Variants in FAAH2 observed in about 807,000 individuals in gnomAD.
FAAH2 encodes fatty acid amide hydrolase 2.
In FAAH2, 60 loss-of-function variants were observed where a neutral mutation model predicts 36.9. The ratio of observed to expected loss-of-function variants is 1.63; its 90% confidence interval spans 1.32 to 2.02. The LOEUF is 2.02. Among genes scored for constraint, FAAH2 ranks in the 30% most tolerant of loss-of-function variants. FAAH2 has a pLI of 0.00. For synonymous variants in FAAH2, 214 were observed against 143.8 expected (o/e 1.49, Z -3.49); for missense variants, 689 against 397.5 (o/e 1.73, Z -6.23).
At position 57,336,048 on chromosome X, in the gene FAAH2, C is replaced by T. The variant is rs1049141419; in HGVS notation, c.622+4241C>T. On this transcript the variant is annotated intron_variant, in intron 4 of 10. Transcript: ENST00000374900. Reference sequence around the variant, plus strand: ...CAGAAGAATTTTTCTTAGTGTCAGGCCTCCGAGCCCAAGCTAAGCCATCAT... The same window carrying T: ...CAGAAGAATTTTTCTTAGTGTCAGGTCTCCGAGCCCAAGCTAAGCCATCAT... 2.8e-4 allele frequency among the ~76,000 whole-genome samples: 31 copies of T among 111,495 alleles called. 1 individual carries two copies. The highest frequency in any genetic ancestry group is 2.9e-4 in the Admixed American group (3 of 10,501).
At chrX:57,185,470 C>A in the FAAH2 span, among the ~76,000 whole-genome samples, 11 of 99,107 alleles carry the variant, frequency 1.1e-4, no homozygotes, top group Non-Finnish European at 4.0e-5. Flanking sequence ...ACATTTTTTT[C>A]TCTGTCTCTC....
At chrX:57,263,090 G>A in the FAAH2 span, among the ~76,000 whole-genome samples, 1 of 111,232 alleles carries the variant, frequency 9.0e-6, no homozygotes, top group Non-Finnish European at 1.9e-5. Context: ...TTACAATGCT[G>A]GAAGTTCCAG....
chrX:57,262,159 A>G, the FAAH2 span, among the ~76,000 whole-genome samples: 1 of 111,313 alleles, frequency 9.0e-6, no homozygotes, highest in African/African-American at 3.3e-5. Flanking sequence ...AAGACTCCTA[A>G]AGGTGAAGAG....
intron 7 of FAAH2, among the ~76,000 whole-genome samples, chrX:57,420,781 G>A (rs895727444): frequency 4.6e-5 from 5 of 109,019 alleles, no homozygotes; most frequent in Non-Finnish European, 9.5e-5. Context: ...GTGAGAGAGA[G>A]CATCCCTGTC....
At chrX:57,394,657 C>T in intron 7 of FAAH2, 1 of 951,376 alleles carries the variant, frequency 1.1e-6, no homozygotes, top group South Asian at 1.9e-5. Context: ...TATGCCACAT[C>T]ACCCACAACT....
intron 10 of FAAH2, among the ~76,000 whole-genome samples, chrX:57,454,444 C>T (rs1342750241): frequency 5.4e-5 from 6 of 111,770 alleles, no homozygotes; most frequent in African/African-American, 2.0e-4. Flanking sequence ...CATTAGCCTC[C>T]CAGAAATGGT....
At chrX:57,264,353 C>T in the FAAH2 span, among the ~76,000 whole-genome samples, 36 of 112,208 alleles carry the variant, frequency 3.2e-4, no homozygotes, top group African/African-American at 1.2e-3. Context: ...TAAACAATCC[C>T]ATTAAAAAGT....
intron 3 of FAAH2, among the ~76,000 whole-genome samples, chrX:57,329,922 C>T (rs953289862): frequency 4.5e-5 from 5 of 112,088 alleles, no homozygotes; most frequent in South Asian, 7.5e-4. Flanking sequence ...CTTATCACTT[C>T]CCCAATCAAT....
At chrX:57,353,191 C>A (rs190578252) in intron 5 of FAAH2, among the ~76,000 whole-genome samples, 4 of 109,545 alleles carry the variant, frequency 3.7e-5, no homozygotes, top group Admixed American at 2.0e-4. Flanking sequence ...TACCTCACTT[C>A]GGTAATATTA....
At chrX:57,414,908 T>C (rs957941962) in intron 7 of FAAH2, among the ~76,000 whole-genome samples, 2 of 103,809 alleles carry the variant, frequency 1.9e-5, no homozygotes, top group African/African-American at 7.1e-5. Flanking sequence ...ATTTCAGCAA[T>C]TGTTATTGGT....
the FAAH2 span, among the ~76,000 whole-genome samples, chrX:57,138,158 TAAC>T: frequency 8.9e-6 from 1 of 112,228 alleles, no homozygotes; most frequent in Non-Finnish European, 1.9e-5. Flanking sequence ...TTACAATACT[TAAC>T]AAACCTTATC....
chrX:57,223,227 T>C, the FAAH2 span, among the ~76,000 whole-genome samples: 1 of 111,518 alleles, frequency 9.0e-6, no homozygotes, highest in African/African-American at 3.3e-5. Context: ...CGGATGATCC[T>C]ATATCAGCTG....
the FAAH2 span, among the ~76,000 whole-genome samples, chrX:57,240,547 A>G: frequency 3.6e-5 from 4 of 111,601 alleles, no homozygotes; most frequent in African/African-American, 1.3e-4. Context: ...GTATCCAAGC[A>G]GTGGCATGGC....
intron 7 of FAAH2, among the ~76,000 whole-genome samples, chrX:57,382,043 A>G (rs775542619): frequency 1.8e-5 from 2 of 111,992 alleles, no homozygotes; most frequent in East Asian, 2.8e-4. Context: ...GCTTAACTAC[A>G]TGGAAACTGA....
chrX:57,413,497 T>G (rs911498983), intron 7 of FAAH2, among the ~76,000 whole-genome samples: 1 of 111,856 alleles, frequency 8.9e-6, no homozygotes, highest in Non-Finnish European at 1.9e-5. Flanking sequence ...CCCCATTGCT[T>G]GTGTCAGGTT....
chrX:57,240,846 T>C, the FAAH2 span, among the ~76,000 whole-genome samples: 3 of 112,371 alleles, frequency 2.7e-5, no homozygotes, highest in Non-Finnish European at 3.8e-5. Context: ...CAAGCAACTA[T>C]AGCCAGGCAG....
At chrX:57,375,716 A>G (rs1040745569) in intron 5 of FAAH2, among the ~76,000 whole-genome samples, 5 of 111,522 alleles carry the variant, frequency 4.5e-5, no homozygotes, top group Admixed American at 1.9e-4. Flanking sequence ...TGTTTGCAGA[A>G]AGCCTTGATA....
chrX:57,377,528 A>T (rs2054715991), intron 5 of FAAH2, among the ~76,000 whole-genome samples: 1 of 112,259 alleles, frequency 8.9e-6, no homozygotes, highest in African/African-American at 3.2e-5. Flanking sequence ...TACCAGTACC[A>T]TGCTGTTTTG....
chrX:57,239,556 T>C, the FAAH2 span, among the ~76,000 whole-genome samples: 1 of 110,574 alleles, frequency 9.0e-6, no homozygotes, highest in Non-Finnish European at 1.9e-5. Context: ...GGGTTCTTTG[T>C]ATTTTCTCAA....
Sources: allele counts gnomAD v4.1 joint callset (sites outside exome capture counted in the v4.1 genomes callset), GRCh38; gene constraint gnomAD v4.1.1; transcripts MANE v1.5; gene names NCBI Gene and HGNC (gene_info 2026-07-23, HGNC 2026-07-21).